The following RORB variants were observed in gnomAD, a reference collection of about 807,000 sequenced individuals.
RORB encodes nuclear receptor ROR-beta.
Under a neutral mutation model 59.1 loss-of-function variants are expected in RORB, and 6 were observed. The ratio of observed to expected loss-of-function variants is 0.10; its 90% CI spans 0.06 to 0.20. The LOEUF (loss-of-function observed/expected upper bound fraction) is 0.20, where lower values mean the gene tolerates loss of function less well. Among genes scored for constraint, RORB ranks in the 10% least tolerant of loss-of-function variants. The pLI, the probability that RORB is intolerant of heterozygous loss-of-function variation, is 1.00. For missense variants in RORB, 320 were observed against 560.5 expected (o/e 0.57, Z 4.33); for synonymous variants, 215 against 204.5 (o/e 1.05, Z -0.44).
intron 1 of RORB, among the ~76,000 whole-genome samples, chr9:74,512,173 A>G (rs1374867762): frequency 2.0e-5 from 3 of 152,216 alleles, no homozygotes; most frequent in Admixed American, 2.0e-4. Context: ...TAGAAAAATT[A>G]GTCAGCTAGT....
Position 74,667,920 on chromosome 9 carries a change from T to C in RORB, c.1111+19T>C, listed in dbSNP as rs774470899. The C allele has an allele frequency of 2.7e-6, 4 of 1,477,422 alleles. No homozygotes were observed. Among genetic ancestry groups the C allele is most frequent in the Middle Eastern group, 1.7e-4 (1 of 5,800 alleles). 91.5% of individuals were successfully genotyped at this position (1,477,422 alleles called of 1,614,324 possible). Reference sequence around the variant, plus strand: ...TCTCCAGGTAGGGCAGTCTCAGTTCTCTTACCTTTTTAAAAAACTTGTTTT... The same window carrying C: ...TCTCCAGGTAGGGCAGTCTCAGTTCCCTTACCTTTTTAAAAAACTTGTTTT... On this transcript the variant is annotated intron_variant, in intron 8 of 9. Transcript: ENST00000376896.
intron 7 of RORB, among the ~76,000 whole-genome samples, chr9:74,666,177 C>T (rs1168224979): frequency 6.6e-6 from 1 of 152,150 alleles, no homozygotes; most frequent in Non-Finnish European, 1.5e-5. Flanking sequence ...ATCCCAGCTA[C>T]TCAGGAGGCT....
intron 1 of RORB, among the ~76,000 whole-genome samples, chr9:74,572,159 TTCTG>T (rs1249571466): frequency 6.6e-6 from 1 of 152,170 alleles, no homozygotes; most frequent in African/African-American, 2.4e-5. Context: ...AGCTCCATCG[TTCTG>T]TCTCTTTTTA....
intron 1 of RORB, among the ~76,000 whole-genome samples, chr9:74,515,387 C>A (rs772553118): frequency 1.3e-5 from 2 of 151,718 alleles, no homozygotes. Flanking sequence ...TGAGTCTGTG[C>A]GATGTTTCCT....
At chr9:74,620,746 T>C (rs1384659054) in intron 1 of RORB, among the ~76,000 whole-genome samples, 2 of 152,230 alleles carry the variant, frequency 1.3e-5, no homozygotes, top group African/African-American at 4.8e-5. Flanking sequence ...GTATGTTGTG[T>C]CTTTGTTCTC....
chr9:74,602,549 G>T (rs1333664447), intron 1 of RORB, among the ~76,000 whole-genome samples: 2 of 152,174 alleles, frequency 1.3e-5, no homozygotes, highest in East Asian at 1.9e-4. Flanking sequence ...GACAAGTGAC[G>T]ATCCGTCCTT....
chr9:74,633,409 A>G (rs1385899189), intron 2 of RORB, among the ~76,000 whole-genome samples: 2 of 152,184 alleles, frequency 1.3e-5, no homozygotes, highest in East Asian at 1.9e-4. Context: ...TGAATCTACC[A>G]TTCCTGAACT....
chr9:74,570,256 A>AT (rs1439327745), intron 1 of RORB, among the ~76,000 whole-genome samples: 4 of 152,112 alleles, frequency 2.6e-5, no homozygotes, highest in Admixed American at 2.6e-4. Flanking sequence ...TTATTTATAA[A>AT]TTAATTGAAT....
chr9:74,579,820 G>A (rs952323236), intron 1 of RORB, among the ~76,000 whole-genome samples: 1 of 152,116 alleles, frequency 6.6e-6, no homozygotes, highest in Admixed American at 6.6e-5. Flanking sequence ...TCTGACCACA[G>A]AACATTGCGA....
chr9:74,523,507 C>G (rs955461701), intron 1 of RORB, among the ~76,000 whole-genome samples: 5 of 151,830 alleles, frequency 3.3e-5, no homozygotes, highest in African/African-American at 4.8e-5. Flanking sequence ...AAGTATAAAT[C>G]TGTATTTACA....
At chr9:74,608,839 A>T (rs1237887439) in intron 1 of RORB, among the ~76,000 whole-genome samples, 1 of 152,228 alleles carries the variant, frequency 6.6e-6, no homozygotes, top group Non-Finnish European at 1.5e-5. Flanking sequence ...GCCAAACTGT[A>T]AATAGATTAA....
chr9:74,557,701 G>A lies in RORB; in HGVS notation c.7+59718G>A, dbSNP rs139078832. ...GCAACTTTGGCCTTAATTACGTAAC[G>A]GCCGAGGACTCTTTATAATATCCCT... On this transcript the variant is annotated intron_variant, in intron 1 of 9. Coordinates refer to ENST00000376896, the MANE Select transcript of RORB (RefSeq NM_006914.4). Among the ~76,000 whole-genome samples the A allele has an allele frequency of 6.0e-3, 914 of 152,020 alleles. 13 individuals are homozygous for A. The highest frequency in any genetic ancestry group is 0.021 in the African/African-American group (861 of 41,456).
intron 1 of RORB, among the ~76,000 whole-genome samples, chr9:74,510,700 G>A (rs1341806511): frequency 6.6e-6 from 1 of 152,048 alleles, no homozygotes; most frequent in African/African-American, 2.4e-5. Flanking sequence ...ATATAAAAGA[G>A]TGCTTTTTAA....
Position 74,602,512 on chromosome 9 carries a change from C to G in RORB, c.8-27770C>G, listed in dbSNP as rs143122807. Reference sequence around the variant, plus strand: ...TTTAATGCAGTGTTTGATTCCGAAGCCCTAATGATAACAGGATACACATGA... The same window carrying G: ...TTTAATGCAGTGTTTGATTCCGAAGGCCTAATGATAACAGGATACACATGA... On this transcript the variant is annotated intron_variant, in intron 1 of 9. Coordinates refer to ENST00000376896, the MANE Select transcript of RORB (RefSeq NM_006914.4). Among the ~76,000 whole-genome samples, 21 of 152,298 alleles carry G rather than the reference C, an allele frequency of 1.4e-4. No homozygotes were observed. In the East Asian group the frequency reaches 4.0e-3, roughly 29 times the overall value.
At chr9:74,549,253 C>T (rs1406475000) in intron 1 of RORB, among the ~76,000 whole-genome samples, 2 of 151,920 alleles carry the variant, frequency 1.3e-5, no homozygotes, top group Non-Finnish European at 2.9e-5. Flanking sequence ...TGAGACCAGC[C>T]TGGCTAACAC....
intron 9 of RORB, among the ~76,000 whole-genome samples, chr9:74,679,116 T>G (rs1272391443): frequency 6.6e-6 from 1 of 151,798 alleles, no homozygotes; most frequent in Admixed American, 6.6e-5. Context: ...ATATTAGAAT[T>G]CCTAGCAGGT....
At chr9:74,530,029 C>G (rs77252786) in intron 1 of RORB, among the ~76,000 whole-genome samples, 2 of 151,968 alleles carry the variant, frequency 1.3e-5, no homozygotes, top group African/African-American at 4.8e-5. Flanking sequence ...GTATAAATAC[C>G]TGTCTCTCAT....
chr9:74,637,896 G>A (rs1823732220), intron 3 of RORB, among the ~76,000 whole-genome samples: 1 of 152,176 alleles, frequency 6.6e-6, no homozygotes, highest in African/African-American at 2.4e-5. Context: ...GCAGCTTGCA[G>A]CTACCATATT....
chr9:74,506,021 T>C (rs916914773), intron 1 of RORB, among the ~76,000 whole-genome samples: 16 of 151,888 alleles, frequency 1.1e-4, no homozygotes, highest in Non-Finnish European at 2.2e-4. Context: ...AAAAATACTT[T>C]ATAATATCCA....
Sources: allele counts gnomAD v4.1 joint callset (sites outside exome capture counted in the v4.1 genomes callset), GRCh38; gene constraint gnomAD v4.1.1; transcripts MANE v1.5; gene names NCBI Gene and HGNC (gene_info 2026-07-23, HGNC 2026-07-21).